Variants in LRRC14 observed in about 807,000 individuals in gnomAD.
The protein encoded by LRRC14 is leucine rich repeat containing 14, also known as leucine-rich repeat-containing protein 14.
A neutral mutation model predicts 25.3 loss-of-function variants in LRRC14; 16 were observed. The ratio of observed to expected loss-of-function variants is 0.63; its 90% confidence interval spans 0.43 to 0.96. The LOEUF is 0.96. Ranked by LOEUF, LRRC14 falls within the 40% of genes least tolerant of loss-of-function variation. LRRC14 has a pLI of 0.00. For synonymous variants in LRRC14, 359 were observed against 295.1 expected (o/e 1.22, Z -2.22); for missense variants, 594 against 660.5 (o/e 0.90, Z 1.10).
chr8:144,522,402 C>T lies in LRRC14; in HGVS notation c.*924C>T. On this transcript the variant is annotated 3_prime_UTR_variant, in exon 4 of 4. Transcript: ENST00000292524. The stretch of plus-strand genomic sequence containing the variant: ...TCAGCGCACACTGCGCGGCTTCCAC[C>T]TTTACTGACGGAGCATGCGCGAGGC... 1 of 1,369,470 alleles carries T rather than the reference C, an allele frequency of 7.3e-7. No individual in the cohort carries two copies. Among genetic ancestry groups the T allele is most frequent in the African/African-American group, 1.5e-5 (1 of 65,286 alleles). The allele number at this position is 1,369,470 out of a possible 1,614,324, so 84.8% of individuals were successfully genotyped here. A position where few individuals can be genotyped will look rare whatever the true frequency, so the allele number is the denominator to read the frequency against.
Position 144,520,413 on chromosome 8 carries a change from G to T in LRRC14, c.505G>T (p.Val169Leu). Residue 169 changes from valine (V) to leucine (L), a missense_variant, in exon 3 of 4, where the codon GTG becomes TTG. Val to Leu is a conservative substitution (Grantham distance 32). Transcript: ENST00000292524. Reference protein sequence around the residue: ...GPAPIPVEVRVDLRVNRASYA... With the variant: ...GPAPIPVEVRLDLRVNRASYA... ...AGCCCCCATCCCCGTGGAGGTGCGC[G>T]TGGACCTGCGGGTGAACCGGGCCTC... The T allele has an allele frequency of 6.2e-7, 1 of 1,603,586 alleles. No individual in the cohort carries two copies. The highest frequency in any genetic ancestry group is 8.5e-7 in the Non-Finnish European group (1 of 1,176,422).
At chr8:144,518,978 T>A (rs918038820) in intron 1 of LRRC14, among the ~76,000 whole-genome samples, 15 of 152,160 alleles carry the variant, frequency 9.9e-5, no homozygotes, top group African/African-American at 3.6e-4. Flanking sequence ...GAGGGAGAGG[T>A]TTAGGCCAGT....
rs762815068 is a variant in LRRC14 at position 144,522,996 on chromosome 8, C to T, written c.*1518C>T. 3.8e-6 allele frequency: 6 copies of T among 1,595,600 alleles called. No individual in the cohort carries two copies. Among genetic ancestry groups the T allele is most frequent in the Non-Finnish European group, 3.4e-6 (4 of 1,174,980 alleles). On this transcript the variant is annotated 3_prime_UTR_variant, in exon 4 of 4. Transcript: ENST00000292524. ...TTGGAGGCCTCGCACTCGTACTTAC[C>T]GGCGTGCGCCAGCGTGATGTTGCTG...
chr8:144,519,099 C>T (rs1815743342), intron 1 of LRRC14, among the ~76,000 whole-genome samples: 1 of 152,158 alleles, frequency 6.6e-6, no homozygotes, highest in South Asian at 2.1e-4. Context: ...GCTACATCAT[C>T]TGGACTCGGT....
Position 144,523,646 on chromosome 8 carries a change from CGTCGGTCTCT to C in LRRC14, c.*2170_*2179del. On this transcript the variant is annotated 3_prime_UTR_variant, in exon 4 of 4. Transcript: ENST00000292524. ...GCCTGCCTGTTACAGATCACTTCTCCGTCGGTCTCTGAGAAAGCACCTGCTCCTTAAGTCT... is the reference window on the plus strand; with the variant it reads ...GCCTGCCTGTTACAGATCACTTCTCCGAGAAAGCACCTGCTCCTTAAGTCT... The C allele has an allele frequency of 3.8e-6, 2 of 524,776 alleles. No homozygotes were observed. The highest frequency in any genetic ancestry group is 5.2e-5 in the South Asian group (1 of 19,320). 32.5% of individuals were successfully genotyped at this position (524,776 alleles called of 1,614,324 possible).
At chr8:144,520,093 G>T (rs756081440) in intron 2 of LRRC14, 39 bp downstream of exon 2, 1 of 1,583,694 alleles carries the variant, frequency 6.3e-7, no homozygotes, top group Admixed American at 1.7e-5. Flanking sequence ...CCAGGGGTGT[G>T]TAAGTGGGTC....
chr8:144,520,628 C>T lies in LRRC14; in HGVS notation c.720C>T (p.Ile240=). ...NNLGLRGLSV[I]IPHVARFQHL... ...TGGGCCTGCGCGGCCTGTCTGTGAT[C>T]ATCCCACACGTGGCCCGCTTCCAGC... is the stretch of plus-strand genomic sequence containing the variant. Residue 240 remains isoleucine (I), a synonymous_variant, in exon 3 of 4, where the codon ATC becomes ATT. Coordinates refer to ENST00000292524, the MANE Select transcript of LRRC14 (RefSeq NM_014665.4). 1 of 1,602,032 alleles carries T rather than the reference C, an allele frequency of 6.2e-7. No individual in the cohort carries two copies. Among genetic ancestry groups the T allele is most frequent in the Non-Finnish European group, 8.5e-7 (1 of 1,179,950 alleles).
In LRRC14 at chr8:144,521,209, C is replaced by G; in HGVS notation, c.1213C>G (p.Leu405Val). The change falls in exon 4 of 4, where the codon CTG (leucine) becomes GTG (valine). Residue 405 changes from leucine to valine, a missense_variant. Physicochemically the swap from Leu to Val is conservative, Grantham distance 32. Transcript: ENST00000292524. ...LRYLGLYGNP[L>V]SMAGLKELLR... Reference sequence around the variant, plus strand: ...GTACCTTGGCCTCTATGGCAACCCACTGTCCATGGCGGGCCTCAAGGAGCT... The same window carrying G: ...GTACCTTGGCCTCTATGGCAACCCAGTGTCCATGGCGGGCCTCAAGGAGCT... 1 of 1,613,368 alleles carries G rather than the reference C, an allele frequency of 6.2e-7. No individual in the cohort carries two copies. Among genetic ancestry groups the G allele is most frequent in the Non-Finnish European group, 8.5e-7 (1 of 1,180,036 alleles).
Position 144,522,029 on chromosome 8 carries a change from T to C in LRRC14, c.*551T>C, listed in dbSNP as rs1278302323. ...CACATGTGCCTGGAAGTTGAATTTGTGGCTGTTTTTTTTTCTGTCCACGTT... is the reference window on the plus strand; with the variant it reads ...CACATGTGCCTGGAAGTTGAATTTGCGGCTGTTTTTTTTTCTGTCCACGTT... On this transcript the variant is annotated 3_prime_UTR_variant, in exon 4 of 4. Transcript: ENST00000292524. 1 of 179,282 alleles carries C rather than the reference T, an allele frequency of 5.6e-6. No homozygotes were observed. The highest frequency in any genetic ancestry group is 1.2e-5 in the Non-Finnish European group (1 of 86,672). 11.1% of individuals were successfully genotyped at this position (179,282 alleles called of 1,614,324 possible).
chr8:144,523,390 G>A lies in LRRC14; in HGVS notation c.*1912G>A. ...AGGCACCCAGCCAGTGCAGGGCGCA[G>A]TCACAGCGCCATGGGTTCTCTGTGG... is the stretch of plus-strand genomic sequence containing the variant. On this transcript the variant is annotated 3_prime_UTR_variant, in exon 4 of 4. Coordinates refer to ENST00000292524, the MANE Select transcript of LRRC14 (RefSeq NM_014665.4). 6.5e-7 allele frequency: 1 copy of A among 1,542,422 alleles called. No homozygotes were observed. Among genetic ancestry groups the A allele is most frequent in the Non-Finnish European group, 8.7e-7 (1 of 1,144,298 alleles).
chr8:144,523,179 C>T lies in LRRC14; in HGVS notation c.*1701C>T, dbSNP rs1391591488. On this transcript the variant is annotated 3_prime_UTR_variant, in exon 4 of 4. Coordinates refer to ENST00000292524, the MANE Select transcript of LRRC14 (RefSeq NM_014665.4). ...TGCGGGTAGCCGGAGGCTTGGCAGG[C>T]AACCCGCAGGTCCTCACCCAGGTTG... The T allele has an allele frequency of 1.9e-6, 3 of 1,609,910 alleles. No individual in the cohort carries two copies. The highest frequency in any genetic ancestry group is 2.5e-6 in the Non-Finnish European group (3 of 1,178,832).
Position 144,520,029 on chromosome 8 carries a change from G to A in LRRC14, c.304G>A (p.Gly102Arg). ...TGCCCGGCTCCACACCTCAGAGCCT[G>A]GGGCCAGCACACAGCCCCTCTGCAG... ...LTARLHTSEP[G>R]ASTQPLCRKH... Residue 102 changes from glycine (G) to arginine (R), a missense_variant, in exon 2 of 4, where the codon GGG becomes AGG. By Grantham distance (125) the Gly-to-Arg change is moderately radical. Coordinates refer to ENST00000292524, the MANE Select transcript of LRRC14 (RefSeq NM_014665.4). 1.9e-5 allele frequency: 31 copies of A among 1,608,238 alleles called. No homozygotes were observed. Among genetic ancestry groups the A allele is most frequent in the Non-Finnish European group, 2.6e-5 (31 of 1,178,944 alleles).
In LRRC14 at chr8:144,523,190, T is replaced by C. The variant is rs1816197937; in HGVS notation, c.*1712T>C. ...GGAGGCTTGGCAGGCAACCCGCAGGTCCTCACCCAGGTTGGCTGTGAGCTC... is the reference window on the plus strand; with the variant it reads ...GGAGGCTTGGCAGGCAACCCGCAGGCCCTCACCCAGGTTGGCTGTGAGCTC... On this transcript the variant is annotated 3_prime_UTR_variant, in exon 4 of 4. Coordinates refer to ENST00000292524, the MANE Select transcript of LRRC14 (RefSeq NM_014665.4). The C allele has an allele frequency of 6.2e-7, 1 of 1,609,662 alleles. No homozygotes were observed. The highest frequency in any genetic ancestry group is 8.5e-7 in the Non-Finnish European group (1 of 1,178,734).
At position 144,523,092 on chromosome 8, in the gene LRRC14, G is replaced by C; in HGVS notation, c.*1614G>C. The C allele has an allele frequency of 6.2e-7, 1 of 1,608,886 alleles. No homozygotes were observed. The highest frequency in any genetic ancestry group is 8.5e-7 in the Non-Finnish European group (1 of 1,179,360). ...AGGCCCAGCAACCCGCCTTCTAGCT[G>C]GGCCTGGGCTCGCGGCCGGCCCTCG... On this transcript the variant is annotated 3_prime_UTR_variant, in exon 4 of 4. Transcript: ENST00000292524.
intron 2 of LRRC14, 64 bp from the exon 3 acceptor site, chr8:144,520,174 G>C: frequency 6.3e-7 from 1 of 1,577,716 alleles, no homozygotes; most frequent in Admixed American, 1.7e-5. Flanking sequence ...CCTGTCCCAA[G>C]GTGGCTGGGA....
rs1816080254 is a variant in LRRC14, at chr8:144,521,776, T to C, written c.*298T>C. The C allele has an allele frequency of 2.5e-6, 1 of 404,532 alleles. No individual in the cohort carries two copies. Among genetic ancestry groups the C allele is most frequent in the East Asian group, 4.5e-5 (1 of 22,368 alleles). 25.1% of individuals were successfully genotyped at this position (404,532 alleles called of 1,614,324 possible). On this transcript the variant is annotated 3_prime_UTR_variant, in exon 4 of 4. Transcript: ENST00000292524. Reference sequence around the variant, plus strand: ...GCTGCCGTCTGGGGTCCTGGTCCTTTGTGCAAATGCTTTGGGATTCCAGTT... The same window carrying C: ...GCTGCCGTCTGGGGTCCTGGTCCTTCGTGCAAATGCTTTGGGATTCCAGTT...
rs1586852881 is a variant in LRRC14, at chr8:144,522,509, A to G, written c.*1031A>G. On this transcript the variant is annotated 3_prime_UTR_variant, in exon 4 of 4. Transcript: ENST00000292524. ...GATCTCGTAGGCGACCGGCGGGGGC[A>G]CGCGGAGTCCCGGCCCCGCCCCCTG... 6.0e-6 allele frequency: 9 copies of G among 1,497,610 alleles called. 1 individual carries two copies. The East Asian group carries it at 2.5e-4, about 41-fold the overall frequency. The allele number at this position is 1,497,610 out of a possible 1,614,324, so 92.8% of individuals were successfully genotyped here. A position where few individuals can be genotyped will look rare whatever the true frequency, so the allele number is the denominator to read the frequency against.
Position 144,521,651 on chromosome 8 carries a change from C to G in LRRC14, c.*173C>G, listed in dbSNP as rs192434812. ...CTCCCCTGCTTTCTGCAGTGCCCCACGCGGTTTTCCCTGCACTTGCTCCAT... is the reference window on the plus strand; with the variant it reads ...CTCCCCTGCTTTCTGCAGTGCCCCAGGCGGTTTTCCCTGCACTTGCTCCAT... On this transcript the variant is annotated 3_prime_UTR_variant, in exon 4 of 4. Coordinates refer to ENST00000292524, the MANE Select transcript of LRRC14 (RefSeq NM_014665.4). 4 of 668,766 alleles carry G rather than the reference C, an allele frequency of 6.0e-6. No individual in the cohort carries two copies. Among genetic ancestry groups the G allele is most frequent in the Middle Eastern group, 4.1e-4 (1 of 2,426 alleles). The allele number at this position is 668,766 out of a possible 1,614,324, so 41.4% of individuals were successfully genotyped here.
chr8:144,520,590 C>T lies in LRRC14; in HGVS notation c.682C>T (p.Arg228Cys), dbSNP rs758634365. The T allele has an allele frequency of 8.1e-6, 13 of 1,600,846 alleles. No individual in the cohort carries two copies. Among genetic ancestry groups the T allele is most frequent in the South Asian group, 7.7e-5 (7 of 91,090 alleles). ...DAGCLRRVDL[R>C]FNNLGLRGLS... ...AGGCTGCCTGCGCCGCGTGGACCTG[C>T]GCTTCAACAATCTGGGCCTGCGCGG... Residue 228 changes from arginine (R) to cysteine (C), a missense_variant, in exon 3 of 4, where the codon CGC becomes TGC. Physicochemically the swap from Arg to Cys is radical, Grantham distance 180. Coordinates refer to ENST00000292524, the MANE Select transcript of LRRC14 (RefSeq NM_014665.4).
Sources: allele counts gnomAD v4.1 joint callset (sites outside exome capture counted in the v4.1 genomes callset), GRCh38; gene constraint gnomAD v4.1.1; transcripts MANE v1.5; gene names NCBI Gene and HGNC (gene_info 2026-07-23, HGNC 2026-07-21).